STRBP: variants seen among roughly 807,000 people sequenced by gnomAD.
STRBP encodes the protein spermatid perinuclear RNA binding protein.
Under a neutral mutation model 80.1 loss-of-function variants are expected in STRBP, and 13 were observed. The observed-to-expected ratio is 0.16, with a 90% CI of 0.11 to 0.26. The LOEUF (loss-of-function observed/expected upper bound fraction) is 0.26, where lower values mean the gene tolerates loss of function less well. STRBP is among the 10% of genes least tolerant of loss of function. The pLI, the probability that STRBP is intolerant of heterozygous loss-of-function variation, is 1.00. For missense variants in STRBP, 485 were observed against 815.2 expected (o/e 0.59, Z 4.93); for synonymous variants, 284 against 291.2 (o/e 0.98, Z 0.25).
chr9:123,178,618 G>C (rs2038322911), intron 4 of STRBP, among the ~76,000 whole-genome samples: 1 of 151,998 alleles, frequency 6.6e-6, no homozygotes, highest in Non-Finnish European at 1.5e-5. Flanking sequence ...TTCTACACAA[G>C]GATTTTTAAA....
rs1482312065 is a variant in STRBP, at chr9:123,255,707, C to G, written c.-302+12729G>C. On this transcript the variant is annotated intron_variant, in intron 1 of 18. Transcript: ENST00000348403. ...GATCCAGCAACTGAGTCTTACTTCT[C>G]TTTCTGGGAGTTAGCTATATCAAAA... 2.0e-5 allele frequency among the ~76,000 whole-genome samples: 3 copies of G among 152,204 alleles called. No individual in the cohort carries two copies. In the East Asian group the frequency reaches 5.8e-4, roughly 29 times the overall value.
chr9:123,223,049 T>TGATA (rs33997248), intron 2 of STRBP, among the ~76,000 whole-genome samples: 28,134 of 147,826 alleles, frequency 0.19, 2,625 homozygotes, highest in Non-Finnish European at 0.2. Flanking sequence ...GATAGATAGA[T>TGATA]GATAGATAGA....
intron 8 of STRBP, among the ~76,000 whole-genome samples, chr9:123,159,885 C>T (rs1186021174): frequency 6.6e-6 from 1 of 152,060 alleles, no homozygotes; most frequent in African/African-American, 2.4e-5. Flanking sequence ...TACTGTTTGC[C>T]TGACTTTAAT....
chr9:123,250,958 CA>C (rs1564336326), intron 1 of STRBP, among the ~76,000 whole-genome samples: 2 of 151,924 alleles, frequency 1.3e-5, no homozygotes, highest in South Asian at 4.1e-4. Context: ...TACAAAAAAA[CA>C]AAAAACAAAA....
intron 1 of STRBP, among the ~76,000 whole-genome samples, chr9:123,251,025 G>A (rs1446837506): frequency 6.6e-6 from 1 of 152,016 alleles, no homozygotes; most frequent in Non-Finnish European, 1.5e-5. Flanking sequence ...TACTTGTGAG[G>A]CTGAGGCAGG....
rs115829598 is a variant in STRBP at position 123,115,748 on chromosome 9, G to A, written c.*84+181C>T. 335 of 333,662 alleles carry A rather than the reference G, an allele frequency of 1.0e-3. No homozygotes were observed. Among genetic ancestry groups the A allele is most frequent in the African/African-American group, 5.9e-3 (276 of 46,566 alleles). The allele number at this position is 333,662 out of a possible 1,614,324, so 20.7% of individuals were successfully genotyped here. Reference sequence around the variant, plus strand: ...TTTCCTCTTTGCCGTCCACACAACCGGCTTCTTGCTTGAACATGCTGGTTA... The same window carrying A: ...TTTCCTCTTTGCCGTCCACACAACCAGCTTCTTGCTTGAACATGCTGGTTA... On this transcript the variant is annotated intron_variant and NMD_transcript_variant, in intron 3 of 3. Transcript: ENST00000471564. The surrounding 1 kb of genome is among the most constrained non-coding windows in gnomAD (Gnocchi z 5.0).
chr9:123,190,287 A>C (rs2038875019), intron 2 of STRBP, among the ~76,000 whole-genome samples: 1 of 143,578 alleles, frequency 7.0e-6, no homozygotes, highest in African/African-American at 2.5e-5. Context: ...CTCAGAAAGA[A>C]AAAAAAAAAA....
At chr9:123,128,158 C>T in intron 18 of STRBP, 56 bp downstream of exon 18, 1 of 1,595,110 alleles carries the variant, frequency 6.3e-7, no homozygotes, top group Non-Finnish European at 8.6e-7. Flanking sequence ...AGAAACTGTG[C>T]TTTGGATTGC....
intron 13 of STRBP, among the ~76,000 whole-genome samples, chr9:123,143,582 T>C (rs746792018): frequency 8.3e-4 from 126 of 152,264 alleles, no homozygotes; most frequent in Non-Finnish European, 1.4e-3. Context: ...ACATGTGATA[T>C]AACTTTTATG....
chr9:123,179,769 T>C (rs962461200), intron 3 of STRBP, among the ~76,000 whole-genome samples: 1 of 152,080 alleles, frequency 6.6e-6, no homozygotes, highest in African/African-American at 2.4e-5. Flanking sequence ...TGAATAAAGT[T>C]ATCTTTTAGC....
At chr9:123,193,043 G>A (rs761775462) in intron 2 of STRBP, among the ~76,000 whole-genome samples, 2 of 152,026 alleles carry the variant, frequency 1.3e-5, no homozygotes, top group Non-Finnish European at 2.9e-5. Flanking sequence ...CAGCCACTAC[G>A]CCATCATGAT....
chr9:123,247,455 G>C (rs745779797), intron 1 of STRBP, among the ~76,000 whole-genome samples: 2 of 152,106 alleles, frequency 1.3e-5, no homozygotes, highest in Non-Finnish European at 2.9e-5. Context: ...TTTTAGTAGA[G>C]ACAGGGTTTT....
chr9:123,244,099 T>C (rs2040752859), intron 1 of STRBP, among the ~76,000 whole-genome samples: 1 of 152,204 alleles, frequency 6.6e-6, no homozygotes, highest in African/African-American at 2.4e-5. Flanking sequence ...CACTATAGGA[T>C]ATTATTCAGC....
intron 17 of STRBP, 148 bp downstream of exon 17, chr9:123,132,697 G>A: frequency 1.7e-6 from 2 of 1,173,708 alleles, no homozygotes; most frequent in Non-Finnish European, 2.3e-6. Flanking sequence ...ATGACATTCT[G>A]CCAATTCTCT....
At chr9:123,235,014 G>T (rs1262398554) in intron 2 of STRBP, among the ~76,000 whole-genome samples, 2 of 150,650 alleles carry the variant, frequency 1.3e-5, no homozygotes, top group African/African-American at 2.5e-5. Flanking sequence ...GGGGGTACTG[G>T]GTATTCAGGT....
chr9:123,266,103 G>C lies in STRBP; in HGVS notation c.-302+2333C>G, dbSNP rs2041260875. On this transcript the variant is annotated intron_variant, in intron 1 of 18. Transcript: ENST00000348403. ...AGCCCTTGAATGCTACTGGCCACTGGGCCTGGTCTCTTCCAGTTTCACAAA... is the reference window on the plus strand; with the variant it reads ...AGCCCTTGAATGCTACTGGCCACTGCGCCTGGTCTCTTCCAGTTTCACAAA... Among the ~76,000 whole-genome samples the C allele has an allele frequency of 2.6e-5, 4 of 152,058 alleles. No homozygotes were observed. In the South Asian group the frequency reaches 8.3e-4, roughly 32 times the overall value.
intron 1 of STRBP, among the ~76,000 whole-genome samples, chr9:123,257,135 T>C (rs2041050027): frequency 6.6e-6 from 1 of 152,226 alleles, no homozygotes; most frequent in South Asian, 2.1e-4. Context: ...AAACTTACGC[T>C]CTGCTAATTC....
In STRBP at chr9:123,121,895, C is replaced by T. The variant is rs976997078; in HGVS notation, c.*3702G>A. 1 of 154,372 alleles carries T rather than the reference C, an allele frequency of 6.5e-6. No homozygotes were observed. The highest frequency in any genetic ancestry group is 1.4e-5 in the Non-Finnish European group (1 of 69,660). The allele number at this position is 154,372 out of a possible 1,614,324, so 9.6% of individuals were successfully genotyped here. ...AACTGTTCCTATCACTGAATTCTTA[C>T]ATTTAAACAGGTATGTGTGTGTAAT... On this transcript the variant is annotated 3_prime_UTR_variant, in exon 19 of 19. Coordinates refer to ENST00000348403, the MANE Select transcript of STRBP (RefSeq NM_018387.5).
intron 2 of STRBP, among the ~76,000 whole-genome samples, chr9:123,234,631 A>C (rs1415375364): frequency 6.6e-6 from 1 of 152,122 alleles, no homozygotes. Flanking sequence ...CAAAAGTAAT[A>C]GTATATAAAG....
Sources: gnomAD v4.1 joint callset for allele counts (sites outside exome capture counted in the v4.1 genomes callset) on GRCh38, gnomAD v4.1.1 for gene constraint, Gnocchi (gnomAD v3.1) non-coding constraint, MANE v1.5 for transcripts, NCBI Gene and HGNC (gene_info 2026-07-23, HGNC 2026-07-21) for gene names.